Variants in NKAIN2 observed in about 807,000 individuals in gnomAD.
NKAIN2 encodes the protein sodium/potassium transporting ATPase interacting 2, also known as sodium/potassium-transporting ATPase subunit beta-1-interacting protein 2.
A neutral mutation model predicts 32.6 loss-of-function variants in NKAIN2; 14 were observed. The ratio of observed to expected loss-of-function variants is 0.43; its 90% CI spans 0.28 to 0.67. The LOEUF is 0.67. Among genes scored for constraint, NKAIN2 ranks in the 30% least tolerant of loss-of-function variants. NKAIN2 has a pLI of 0.17. For synonymous variants in NKAIN2, 80 were observed against 87.2 expected, an observed-to-expected ratio of 0.92 and a Z score of 0.46; for missense variants, 198 against 258.3, an observed-to-expected ratio of 0.77 and a Z score of 1.60.
chr6:123,966,705 G>C (rs889144087), intron 1 of NKAIN2, among the ~76,000 whole-genome samples: 2 of 152,118 alleles, frequency 1.3e-5, no homozygotes, highest in African/African-American at 4.8e-5. Context: ...AGACAAAGTT[G>C]AGCAAGTCAT....
intron 1 of NKAIN2, among the ~76,000 whole-genome samples, chr6:124,161,534 T>A (rs1201806306): frequency 2.0e-5 from 3 of 152,082 alleles, no homozygotes; most frequent in Non-Finnish European, 4.4e-5. Flanking sequence ...TTAACACTAT[T>A]TAGTAACAAT....
intron 3 of NKAIN2, among the ~76,000 whole-genome samples, chr6:124,527,975 T>C (rs1020992166): frequency 3.3e-5 from 5 of 152,080 alleles, no homozygotes; most frequent in Admixed American, 3.3e-4. Context: ...AATAATGAAG[T>C]TGGAGGACTC....
chr6:124,727,943 G>C (rs892434719), intron 4 of NKAIN2, among the ~76,000 whole-genome samples: 1 of 147,964 alleles, frequency 6.8e-6, no homozygotes, highest in Non-Finnish European at 1.5e-5. Context: ...AACCAACAAA[G>C]ATCAAAAGAG....
chr6:124,381,287 G>T (rs189040852), intron 3 of NKAIN2, among the ~76,000 whole-genome samples: 2 of 152,086 alleles, frequency 1.3e-5, no homozygotes, highest in Admixed American at 1.3e-4. Context: ...TACTTTTAAA[G>T]AAATTAGTAA....
chr6:124,132,255 C>T (rs886364329), intron 1 of NKAIN2, among the ~76,000 whole-genome samples: 10 of 152,210 alleles, frequency 6.6e-5, no homozygotes, highest in African/African-American at 2.4e-4. Flanking sequence ...GTGGCTACAA[C>T]AAGCTCTCTC....
intron 1 of NKAIN2, among the ~76,000 whole-genome samples, chr6:123,997,581 C>G (rs1435047958): frequency 6.7e-6 from 1 of 149,100 alleles, no homozygotes; most frequent in Non-Finnish European, 1.5e-5. Context: ...GGAATTATCA[C>G]TAACTGGAGT....
rs183257044 is a variant in NKAIN2 at position 124,067,266 on chromosome 6, A to T, written c.55-215739A>T. Among the ~76,000 whole-genome samples the T allele has an allele frequency of 1.2e-4, 19 of 152,190 alleles. No homozygotes were observed. The East Asian group carries it at 3.5e-3, about 28-fold the overall frequency. On this transcript the variant is annotated intron_variant, in intron 1 of 6. Coordinates refer to ENST00000368417, the MANE Select transcript of NKAIN2 (RefSeq NM_001040214.3). ...TGTTTGAATCACATATCTCTCTCGTACTCAACCCTCTCTAAGAAAAACACT... is the reference window on the plus strand; with the variant it reads ...TGTTTGAATCACATATCTCTCTCGTTCTCAACCCTCTCTAAGAAAAACACT...
At chr6:124,756,064 G>C (rs1389466983) in intron 4 of NKAIN2, among the ~76,000 whole-genome samples, 1 of 151,834 alleles carries the variant, frequency 6.6e-6, no homozygotes, top group Admixed American at 6.6e-5. Context: ...ACCACATTTG[G>C]TATATTACCT....
At chr6:124,355,159 C>A in intron 2 of NKAIN2, 108 bp from the exon 3 acceptor site, 3 of 675,308 alleles carry the variant, frequency 4.4e-6, no homozygotes, top group South Asian at 1.9e-5. Flanking sequence ...CAATATTTAA[C>A]CTTTCCCACT....
chr6:124,729,054 T>A (rs1776500377), intron 4 of NKAIN2, among the ~76,000 whole-genome samples: 1 of 151,666 alleles, frequency 6.6e-6, no homozygotes, highest in Non-Finnish European at 1.5e-5. Context: ...TCTGAAATTG[T>A]GGCAATAATC....
chr6:124,485,417 A>G (rs536199426), intron 3 of NKAIN2, among the ~76,000 whole-genome samples: 102 of 152,172 alleles, frequency 6.7e-4, no homozygotes, highest in African/African-American at 2.4e-3. Context: ...CCTTCCTACT[A>G]CCTATATTTC....
intron 3 of NKAIN2, among the ~76,000 whole-genome samples, chr6:124,644,776 CT>C (rs1305638284): frequency 6.6e-6 from 1 of 152,072 alleles, no homozygotes; most frequent in African/African-American, 2.4e-5. Context: ...TAATTTTGAG[CT>C]GAAAATTACA....
intron 1 of NKAIN2, among the ~76,000 whole-genome samples, chr6:124,239,943 A>C (rs1257704300): frequency 6.6e-6 from 1 of 152,170 alleles, no homozygotes. Context: ...TCAAAAAATC[A>C]ATGAATCCAG....
At chr6:124,108,087 G>A (rs1785200567) in intron 1 of NKAIN2, among the ~76,000 whole-genome samples, 1 of 151,934 alleles carries the variant, frequency 6.6e-6, no homozygotes, top group Admixed American at 6.6e-5. Flanking sequence ...ATTTTTCAAG[G>A]AACCCCCACA....
intron 1 of NKAIN2, among the ~76,000 whole-genome samples, chr6:123,809,581 G>A (rs183444304): frequency 7.8e-4 from 118 of 152,152 alleles, no homozygotes; most frequent in African/African-American, 1.9e-3. Context: ...TTGTAATACT[G>A]CTGTGCACAT....
intron 3 of NKAIN2, among the ~76,000 whole-genome samples, chr6:124,460,884 TA>T (rs1776505295): frequency 6.6e-6 from 1 of 151,762 alleles, no homozygotes; most frequent in African/African-American, 2.4e-5. Context: ...TAGTTCTGTT[TA>T]ACTTAACCAC....
chr6:124,217,813 A>G (rs1791564763), intron 1 of NKAIN2, among the ~76,000 whole-genome samples: 1 of 152,126 alleles, frequency 6.6e-6, no homozygotes, highest in Non-Finnish European at 1.5e-5. Context: ...ACACACACAC[A>G]CATATCTATA....
At chr6:123,925,061 CA>C (rs1212176463) in intron 1 of NKAIN2, among the ~76,000 whole-genome samples, 3 of 152,022 alleles carry the variant, frequency 2.0e-5, no homozygotes, top group Non-Finnish European at 1.5e-5. Context: ...ACTTTTCATC[CA>C]GAATGGAATT....
chr6:123,935,134 A>G (rs1776439327), intron 1 of NKAIN2, among the ~76,000 whole-genome samples: 1 of 147,566 alleles, frequency 6.8e-6, no homozygotes, highest in Non-Finnish European at 1.5e-5. Flanking sequence ...TTAAATATAT[A>G]TTTATTGAAA....
Sources: allele counts gnomAD v4.1 joint callset (sites outside exome capture counted in the v4.1 genomes callset), GRCh38; gene constraint gnomAD v4.1.1; transcripts MANE v1.5; gene names NCBI Gene and HGNC (gene_info 2026-07-23, HGNC 2026-07-21).